TMEM63C: variants seen among roughly 807,000 people sequenced by gnomAD.
TMEM63C encodes the protein osmosensitive cation channel TMEM63C.
A neutral mutation model predicts 99.2 loss-of-function variants in TMEM63C; 32 were observed. The observed-to-expected ratio is 0.32, with a 90% CI of 0.24 to 0.43. The LOEUF is 0.43. Among genes scored for constraint, TMEM63C ranks in the 20% least tolerant of loss-of-function variants. The pLI is 1.00. For synonymous variants in TMEM63C, 376 were observed against 397.9 expected (o/e 0.94, Z 0.66); for missense variants, 826 against 1,053.0 (o/e 0.78, Z 2.98).
chr14:77,248,526 C>G lies in TMEM63C; in HGVS notation c.1764+17C>G. ...ATCAGAAAGGTACAGACTGGCTCTC[C>G]GCTGAGCACAGCCCTCAGTTTCCTT... On this transcript the variant is annotated intron_variant, in intron 19 of 23. Transcript: ENST00000298351. 1 of 1,570,318 alleles carries G rather than the reference C, an allele frequency of 6.4e-7. No individual in the cohort carries two copies. Among genetic ancestry groups the G allele is most frequent in the East Asian group, 2.4e-5 (1 of 42,212 alleles).
At position 77,242,412 on chromosome 14, in the gene TMEM63C, T is replaced by C. The variant is rs201023823; in HGVS notation, c.1130T>C (p.Ile377Thr). Residue 377 changes from isoleucine (I) to threonine (T), a missense_variant, in exon 14 of 24, where the codon ATC becomes ACC. Physicochemically the swap from Ile to Thr is moderately conservative, Grantham distance 89. Transcript: ENST00000298351. ...CCCCAGCAGTCCTCAGTGACCACCA[T>C]CGTCAAATCATATTACTGGAGGGTC... ...VQPQQSSVTTIVKSYYWRVTM... is the reference protein window; with the variant it reads ...VQPQQSSVTTTVKSYYWRVTM... 5.0e-5 allele frequency: 81 copies of C among 1,608,484 alleles called. No homozygotes were observed. The African/African-American group carries it at 1.0e-3, about 20-fold the overall frequency.
intron 5 of TMEM63C, among the ~76,000 whole-genome samples, chr14:77,222,845 C>T (rs1888749578): frequency 6.6e-6 from 1 of 152,206 alleles, no homozygotes; most frequent in African/African-American, 2.4e-5. Flanking sequence ...TCCTTTTCTT[C>T]AACATTTTTA....
chr14:77,191,101 T>C (rs1888096625), intron 1 of TMEM63C, among the ~76,000 whole-genome samples: 1 of 152,122 alleles, frequency 6.6e-6, no homozygotes, highest in Non-Finnish European at 1.5e-5. Context: ...TTAAATATAA[T>C]GGAAGAAATT....
chr14:77,246,712 T>C (rs775580891), intron 18 of TMEM63C, 38 bp downstream of exon 18: 2 of 1,558,120 alleles, frequency 1.3e-6, no homozygotes, highest in South Asian at 1.1e-5. Flanking sequence ...CTGCTGTGTG[T>C]GCACACAGGA....
At chr14:77,230,159 G>A (rs1888910500) in intron 6 of TMEM63C, among the ~76,000 whole-genome samples, 1 of 150,972 alleles carries the variant, frequency 6.6e-6, no homozygotes, top group African/African-American at 2.4e-5. Flanking sequence ...CCAAGATCGT[G>A]CCACTGCCCT....
chr14:77,251,250 C>T (rs1889353807), intron 21 of TMEM63C, among the ~76,000 whole-genome samples: 1 of 152,212 alleles, frequency 6.6e-6, no homozygotes, highest in Admixed American at 6.5e-5. Context: ...CATCATTAAG[C>T]AGTGATTTTT....
intron 23 of TMEM63C, 77 bp from the exon 24 acceptor site, chr14:77,256,449 C>A: frequency 7.0e-7 from 1 of 1,423,604 alleles, no homozygotes; most frequent in Non-Finnish European, 9.8e-7. Flanking sequence ...GGGGGTGGGG[C>A]ATGAGGGGAG....
chr14:77,191,843 C>A (rs1888116923), intron 1 of TMEM63C, among the ~76,000 whole-genome samples: 2 of 152,224 alleles, frequency 1.3e-5, no homozygotes, highest in Non-Finnish European at 2.9e-5. Flanking sequence ...CAAGCCTGGC[C>A]TAGTTCTCCA....
Position 77,245,988 on chromosome 14 carries a change from G to C in TMEM63C, c.1497G>C (p.Val499=). 1 of 1,613,984 alleles carries C rather than the reference G, an allele frequency of 6.2e-7. No homozygotes were observed. The highest frequency in any genetic ancestry group is 8.5e-7 in the Non-Finnish European group (1 of 1,179,864). ...VMVHKCYIFL[V]FMVVILPSMG... ...TGCACAAGTGCTACATCTTTCTGGT[G>C]TTCATGGTAGTCATTCTGCCCTCTA... The change falls in exon 17 of 24, where the codon GTG becomes GTC. Residue 499 remains valine, a synonymous_variant. Transcript: ENST00000298351.
At chr14:77,248,697 G>T (rs781504146) in intron 19 of TMEM63C, 70 bp from the exon 20 acceptor site, 206 of 1,533,554 alleles carry the variant, frequency 1.3e-4, no homozygotes, top group Admixed American at 2.8e-4. Flanking sequence ...GGAGGCTGAT[G>T]AGGAGCCACA....
intron 1 of TMEM63C, among the ~76,000 whole-genome samples, chr14:77,209,625 G>A (rs1182091722): frequency 1.3e-5 from 2 of 152,204 alleles, no homozygotes; most frequent in African/African-American, 2.4e-5. Flanking sequence ...TGTAAAGAGG[G>A]TGGGAACAAG....
At chr14:77,256,124 C>T (rs733416) in intron 23 of TMEM63C, among the ~76,000 whole-genome samples, 33,495 of 152,138 alleles carry the variant, frequency 0.22, 4,334 homozygotes, top group East Asian at 0.6. Context: ...TGACAGATCC[C>T]GAGGGAGTTC....
rs1358835950 is a variant in TMEM63C, at chr14:77,189,223, C to T, written c.-77+7329C>T. Among the ~76,000 whole-genome samples, 6 of 151,832 alleles carry T rather than the reference C, an allele frequency of 4.0e-5. No homozygotes were observed. In the East Asian group the frequency reaches 1.2e-3, roughly 29 times the overall value. On this transcript the variant is annotated intron_variant, in intron 1 of 23. Transcript: ENST00000298351. ...TTTTCAGGCTCAAGCGATCATTCCA[C>T]CTCAGCCTCCTGAGTAGCTGGGACT... is the stretch of plus-strand genomic sequence containing the variant.
intron 23 of TMEM63C, among the ~76,000 whole-genome samples, chr14:77,255,820 C>T (rs1029323862): frequency 3.3e-5 from 5 of 152,212 alleles, no homozygotes; most frequent in Non-Finnish European, 7.3e-5. Flanking sequence ...TTTGGCACCA[C>T]GCAAATGTCT....
intron 6 of TMEM63C, among the ~76,000 whole-genome samples, chr14:77,227,772 T>C (rs758713341): frequency 2.0e-5 from 3 of 152,072 alleles, no homozygotes; most frequent in Non-Finnish European, 2.9e-5. Context: ...GGAAAGGACA[T>C]TGACTTTGGT....
intron 7 of TMEM63C, 75 bp downstream of exon 7, chr14:77,231,805 G>A: frequency 1.3e-6 from 2 of 1,501,232 alleles, no homozygotes; most frequent in Non-Finnish European, 1.8e-6. Context: ...CAGGGCTGGG[G>A]TTGAGGGTCT....
rs1385704526 is a variant in TMEM63C at position 77,231,709 on chromosome 14, A to G, written c.472A>G (p.Asn158Asp). 8.4e-6 allele frequency: 13 copies of G among 1,551,640 alleles called. No homozygotes were observed. The East Asian group carries it at 2.7e-4, about 32-fold the overall frequency. Residue 158 changes from asparagine (N) to aspartate (D), a missense_variant, in exon 7 of 24, where the codon AAC (asparagine) becomes GAC (aspartate). Transcript: ENST00000298351. ...CTCCCTGGGCATCATTTTGCCCATC[A>G]ACTATACTGGATCTGTTCTGGGTAG... ...IPSLGIILPI[N>D]YTGSVLDWSS... is the part of the protein sequence containing the mutation.
chr14:77,211,853 C>G (rs901133322), intron 1 of TMEM63C, among the ~76,000 whole-genome samples: 1 of 152,176 alleles, frequency 6.6e-6, no homozygotes, highest in Non-Finnish European at 1.5e-5. Flanking sequence ...TAGGAGGGGC[C>G]CTGAAACCCT....
chr14:77,243,441 G>A (rs141304479), intron 15 of TMEM63C, among the ~76,000 whole-genome samples: 309 of 152,230 alleles, frequency 2.0e-3, no homozygotes, highest in African/African-American at 5.7e-3. Flanking sequence ...CAAGTTGTCC[G>A]AGGCAGCAGG....
Sources: gnomAD v4.1 joint callset for allele counts (sites outside exome capture counted in the v4.1 genomes callset) on GRCh38, gnomAD v4.1.1 for gene constraint, MANE v1.5 for transcripts, NCBI Gene and HGNC (gene_info 2026-07-23, HGNC 2026-07-21) for gene names.